Variants in SAMD12 observed in about 807,000 individuals in gnomAD.
SAMD12 encodes sterile alpha motif domain containing 12, also known as sterile alpha motif domain-containing protein 12.
A neutral mutation model predicts 15.0 loss-of-function variants in SAMD12; 9 were observed. That is an observed-to-expected ratio of 0.60 (90% CI 0.36 to 1.05). The LOEUF (loss-of-function observed/expected upper bound fraction) is 1.05, where lower values mean the gene tolerates loss of function less well. SAMD12 is among the 50% of genes least tolerant of loss of function. SAMD12 has a pLI of 0.01. For synonymous variants in SAMD12, 86 were observed against 90.1 expected (o/e 0.96, Z 0.25); for missense variants, 230 against 234.2 (o/e 0.98, Z 0.12).
intron 2 of SAMD12, among the ~76,000 whole-genome samples, chr8:118,501,425 A>G (rs1824778621): frequency 2.0e-5 from 3 of 152,212 alleles, no homozygotes; most frequent in Admixed American, 1.3e-4. Flanking sequence ...CATACTGTAT[A>G]CCACATATAT....
chr8:118,321,368 C>G (rs1192377471), intron 4 of SAMD12, among the ~76,000 whole-genome samples: 1 of 147,342 alleles, frequency 6.8e-6, no homozygotes, highest in Admixed American at 6.9e-5. Flanking sequence ...AATCTCAGCA[C>G]TTTGGGAAGC....
intron 2 of SAMD12, among the ~76,000 whole-genome samples, chr8:118,450,787 A>G (rs1246648538): frequency 1.6e-4 from 24 of 152,118 alleles, no homozygotes; most frequent in Admixed American, 1.3e-3. Flanking sequence ...TGCTTTGACT[A>G]AAAGAATGTG....
At chr8:118,322,179 GA>G (rs1816319956) in intron 4 of SAMD12, among the ~76,000 whole-genome samples, 1 of 152,156 alleles carries the variant, frequency 6.6e-6, no homozygotes, top group Non-Finnish European at 1.5e-5. Flanking sequence ...CTCCTCCTCA[GA>G]AATGCCTTCT....
chr8:118,310,263 A>C (rs1815564315), intron 4 of SAMD12, among the ~76,000 whole-genome samples: 1 of 152,040 alleles, frequency 6.6e-6, no homozygotes, highest in Non-Finnish European at 1.5e-5. Context: ...CCTCAGACCT[A>C]ATATTGTTGG....
chr8:118,369,136 G>T (rs1189214901), intron 4 of SAMD12, among the ~76,000 whole-genome samples: 1 of 152,162 alleles, frequency 6.6e-6, no homozygotes, highest in Non-Finnish European at 1.5e-5. Context: ...GAAGAATAAT[G>T]GATACTATGT....
In SAMD12 at chr8:118,496,122, A is replaced by G. The variant is rs181326964; in HGVS notation, c.193-56161T>C. The stretch of plus-strand genomic sequence containing the variant: ...TGGATAGGAATAATCTATATATTAA[A>G]ATGGCCATACTGCCCAAGGCAATTT... On this transcript the variant is annotated intron_variant, in intron 2 of 3. Coordinates refer to ENST00000314727, the MANE Select transcript of SAMD12 (RefSeq NM_207506.3). Among the ~76,000 whole-genome samples the G allele has an allele frequency of 1.2e-4, 19 of 152,374 alleles. No individual in the cohort carries two copies. The East Asian group carries it at 3.7e-3, about 29-fold the overall frequency.
intron 2 of SAMD12, among the ~76,000 whole-genome samples, chr8:118,475,621 C>T (rs1015648304): frequency 6.6e-6 from 1 of 152,196 alleles, no homozygotes; most frequent in Admixed American, 6.5e-5. Context: ...AGTCTAGCTC[C>T]AGAGTCTGTA....
rs532607931 is a variant in SAMD12 at position 118,501,976 on chromosome 8, C to T, written c.193-62015G>A. Among the ~76,000 whole-genome samples the T allele has an allele frequency of 3.3e-4, 49 of 147,746 alleles. 1 individual carries two copies. Among genetic ancestry groups the T allele is most frequent in the Non-Finnish European group, 1.5e-4 (10 of 67,558 alleles). On this transcript the variant is annotated intron_variant, in intron 2 of 3. Transcript: ENST00000314727. The stretch of plus-strand genomic sequence containing the variant: ...CGGAGCTTGCAGTGAGCGGAGATTG[C>T]GCCACTGCACTCAAGCCTGGGCAAC...
chr8:118,564,231 A>T (rs1468320523), intron 2 of SAMD12, among the ~76,000 whole-genome samples: 1 of 145,460 alleles, frequency 6.9e-6, no homozygotes, highest in East Asian at 2.0e-4. Flanking sequence ...CAACACACAC[A>T]CATACACTAA....
the SAMD12 span, among the ~76,000 whole-genome samples, chr8:118,160,362 G>A: frequency 6.6e-6 from 1 of 152,036 alleles, no homozygotes; most frequent in African/African-American, 2.4e-5. Flanking sequence ...AAGACTTGTA[G>A]GGAAATACAA....
the SAMD12 span, among the ~76,000 whole-genome samples, chr8:118,151,703 G>C: frequency 2.0e-5 from 3 of 151,930 alleles, no homozygotes; most frequent in Admixed American, 6.6e-5. Flanking sequence ...GGTGACAGGT[G>C]CCTGTAGTCC....
chr8:118,363,218 G>T (rs578229308), intron 4 of SAMD12, among the ~76,000 whole-genome samples: 1 of 152,272 alleles, frequency 6.6e-6, no homozygotes, highest in South Asian at 2.1e-4. Context: ...ACACTGCGAT[G>T]GTTAATTTTG....
At chr8:118,134,081 G>A in the SAMD12 span, among the ~76,000 whole-genome samples, 1 of 152,208 alleles carries the variant, frequency 6.6e-6, no homozygotes, top group Non-Finnish European at 1.5e-5. Context: ...TAAATTGTGA[G>A]AAATTGGCTT....
intron 2 of SAMD12, among the ~76,000 whole-genome samples, chr8:118,494,251 A>G (rs1051056635): frequency 6.6e-6 from 1 of 152,192 alleles, no homozygotes; most frequent in Non-Finnish European, 1.5e-5. Flanking sequence ...TCTAGAAGGA[A>G]TGTAGCCTCC....
At chr8:118,214,395 G>A (rs140590045) in intron 4 of SAMD12, among the ~76,000 whole-genome samples, 2 of 152,272 alleles carry the variant, frequency 1.3e-5, no homozygotes, top group Non-Finnish European at 2.9e-5. Flanking sequence ...GCATGCCCAG[G>A]TTATGGTTTC....
chr8:118,136,121 C>T, the SAMD12 span, among the ~76,000 whole-genome samples: 1 of 152,142 alleles, frequency 6.6e-6, no homozygotes, highest in Non-Finnish European at 1.5e-5. Flanking sequence ...CCTCTGTCCC[C>T]TGGGTTCAAG....
At chr8:118,458,261 C>T (rs1811056696) in intron 2 of SAMD12, among the ~76,000 whole-genome samples, 1 of 152,078 alleles carries the variant, frequency 6.6e-6, no homozygotes, top group Admixed American at 6.6e-5. Flanking sequence ...TTTTTTAATT[C>T]CATTTCCATT....
rs144743740 is a variant in SAMD12, at chr8:118,379,576, T to C, written c.447A>G (p.Leu149=). 2.0e-4 allele frequency: 326 copies of C among 1,613,978 alleles called. No homozygotes were observed. In the African/African-American group the frequency reaches 3.8e-3, roughly 19 times the overall value. ...QLKVREEVRN[L]QLLTQGTLLL... is the part of the protein sequence containing the mutation. The stretch of plus-strand genomic sequence containing the variant: ...ATAGGGTACCTTGTGTGAGTAACTG[T>C]AGATTTCTGACTTCTTCTCGCACCT... Residue 149 remains leucine, a synonymous_variant, in exon 4 of 4, where the codon CTA becomes CTG. Transcript: ENST00000314727.
chr8:118,500,874 T>A (rs1824763938), intron 2 of SAMD12, among the ~76,000 whole-genome samples: 1 of 152,210 alleles, frequency 6.6e-6, no homozygotes. Flanking sequence ...TATATTTATA[T>A]GTATTTAGTT....
Sources: gnomAD v4.1 joint callset for allele counts (sites outside exome capture counted in the v4.1 genomes callset) on GRCh38, gnomAD v4.1.1 for gene constraint, MANE v1.5 for transcripts, NCBI Gene and HGNC (gene_info 2026-07-23, HGNC 2026-07-21) for gene names.